CDK17: variants seen among roughly 807,000 people sequenced by gnomAD.
CDK17 encodes cyclin-dependent kinase 17.
Under a neutral mutation model 77.6 loss-of-function variants are expected in CDK17, and 24 were observed. That is an observed-to-expected ratio of 0.31 (90% CI 0.22 to 0.44). The LOEUF (loss-of-function observed/expected upper bound fraction) is 0.44, where lower values mean the gene tolerates loss of function less well. Ranked by LOEUF, CDK17 falls within the 20% of genes least tolerant of loss-of-function variation. The pLI is 1.00. For synonymous variants in CDK17, 203 were observed against 210.4 expected (o/e 0.96, Z 0.30); for missense variants, 429 against 622.5 (o/e 0.69, Z 3.31).
At chr12:96,377,652 CA>C (rs1953802018) in intron 1 of CDK17, among the ~76,000 whole-genome samples, 1 of 150,456 alleles carries the variant, frequency 6.6e-6, no homozygotes, top group Non-Finnish European at 1.5e-5. Context: ...TACAAAATGG[CA>C]ATCTGGCAGC....
intron 1 of CDK17, among the ~76,000 whole-genome samples, chr12:96,385,405 T>C (rs1163892068): frequency 6.6e-6 from 1 of 152,142 alleles, no homozygotes; most frequent in Non-Finnish European, 1.5e-5. Context: ...ACCTATCACA[T>C]ACTATGCTCA....
chr12:96,306,143 C>T (rs536503149), intron 5 of CDK17, among the ~76,000 whole-genome samples: 1 of 152,236 alleles, frequency 6.6e-6, no homozygotes, highest in South Asian at 2.1e-4. Context: ...GATTGATGAC[C>T]ATAAATTTAT....
At chr12:96,318,370 G>A (rs1219016173) in intron 3 of CDK17, among the ~76,000 whole-genome samples, 5 of 139,724 alleles carry the variant, frequency 3.6e-5, no homozygotes, top group Non-Finnish European at 1.6e-5. Flanking sequence ...ACACCCCACT[G>A]TCAACATTAG....
chr12:96,322,560 G>C (rs1367549308), intron 3 of CDK17, among the ~76,000 whole-genome samples: 1 of 151,394 alleles, frequency 6.6e-6, no homozygotes, highest in African/African-American at 2.4e-5. Context: ...CTGATCTGTA[G>C]TGTTTTCTGA....
At chr12:96,375,732 G>C (rs1030083752) in intron 1 of CDK17, among the ~76,000 whole-genome samples, 1 of 151,936 alleles carries the variant, frequency 6.6e-6, no homozygotes, top group Non-Finnish European at 1.5e-5. Flanking sequence ...TTTTAGTAGA[G>C]ATGGGGTTTC....
At chr12:96,308,254 T>TAAAAAAAAAAAAAAAAAAAA (rs1952601912) in intron 5 of CDK17, among the ~76,000 whole-genome samples, 2 of 108,780 alleles carry the variant, frequency 1.8e-5, no homozygotes, top group Admixed American at 1.8e-4. Flanking sequence ...AAAAAAAAAG[T>TAAAAAAAAAAAAAAAAAAAA]TTTTTAATTA....
At chr12:96,298,210 C>T (rs1952439943) in intron 7 of CDK17, among the ~76,000 whole-genome samples, 1 of 151,870 alleles carries the variant, frequency 6.6e-6, no homozygotes, top group African/African-American at 2.4e-5. Context: ...TGGCGTGAAC[C>T]CAGGAGGCGG....
intron 1 of CDK17, among the ~76,000 whole-genome samples, chr12:96,379,254 C>T (rs1171288713): frequency 6.6e-6 from 1 of 152,036 alleles, no homozygotes; most frequent in Non-Finnish European, 1.5e-5. Context: ...TGTAAGTTTA[C>T]TGAATTACTG....
chr12:96,287,251 G>C (rs1952258626), intron 11 of CDK17, among the ~76,000 whole-genome samples: 1 of 152,148 alleles, frequency 6.6e-6, no homozygotes, highest in African/African-American at 2.4e-5. Context: ...GCAGGAAGCA[G>C]AGGTAGAACA....
chr12:96,342,509 C>T (rs1953136848), intron 1 of CDK17, among the ~76,000 whole-genome samples: 1 of 152,038 alleles, frequency 6.6e-6, no homozygotes, highest in Non-Finnish European at 1.5e-5. Context: ...TTGCAATGAG[C>T]TAAGATCATG....
At chr12:96,283,060 A>G (rs895797521) in intron 14 of CDK17, among the ~76,000 whole-genome samples, 4 of 152,046 alleles carry the variant, frequency 2.6e-5, no homozygotes, top group Non-Finnish European at 5.9e-5. Context: ...ATCATGAATC[A>G]TAACTGTTTT....
At chr12:96,290,736 C>T (rs1396040426) in intron 10 of CDK17, among the ~76,000 whole-genome samples, 2 of 152,148 alleles carry the variant, frequency 1.3e-5, no homozygotes, top group Admixed American at 6.6e-5. Flanking sequence ...GGGCTGCAAA[C>T]GTGCTTATCC....
rs1592699851 is a variant in CDK17 at position 96,279,196 on chromosome 12, A to G, written c.*1046T>C. 5 of 152,330 alleles carry G rather than the reference A, an allele frequency of 3.3e-5. No individual in the cohort carries two copies. The South Asian group carries it at 1.0e-3, about 32-fold the overall frequency. The allele number at this position is 152,330 out of a possible 1,614,324, so 9.4% of individuals were successfully genotyped here. ...TTAGTATCTCTGGTAAACAGATAAT[A>G]CCCACAATAATTTCAAGCAATCCTG... On this transcript the variant is annotated 3_prime_UTR_variant, in exon 17 of 17. Transcript: ENST00000261211.
chr12:96,323,917 G>A (rs1952857970), intron 3 of CDK17, 31 bp downstream of exon 3: 1 of 1,505,984 alleles, frequency 6.6e-7, no homozygotes, highest in African/African-American at 1.4e-5. Flanking sequence ...TAATCAGAAA[G>A]GTAAACACAA....
intron 1 of CDK17, among the ~76,000 whole-genome samples, chr12:96,353,609 G>GT (rs978428282): frequency 6.6e-5 from 10 of 150,912 alleles, no homozygotes; most frequent in Non-Finnish European, 1.5e-4. Context: ...AGGTGGCGGG[G>GT]GGGGGCGCGG....
At position 96,325,452 on chromosome 12, in the gene CDK17, G is replaced by C. The variant is rs75503059; in HGVS notation, c.119-1340C>G. 4.4e-3 allele frequency among the ~76,000 whole-genome samples: 671 copies of C among 152,326 alleles called. 5 individuals are homozygous for C. The highest frequency in any genetic ancestry group is 0.024 in the Middle Eastern group (7 of 294). On this transcript the variant is annotated intron_variant, in intron 2 of 16. Coordinates refer to ENST00000261211, the MANE Select transcript of CDK17 (RefSeq NM_002595.5). ...TTGGCTACAAGCCTTAAAGTGAAAGGCTTCTCTCACAAGAAAATCTTAGGA... is the reference window on the plus strand; with the variant it reads ...TTGGCTACAAGCCTTAAAGTGAAAGCCTTCTCTCACAAGAAAATCTTAGGA...
At chr12:96,319,071 AAGAG>A (rs1384815568) in intron 3 of CDK17, among the ~76,000 whole-genome samples, 1 of 144,596 alleles carries the variant, frequency 6.9e-6, no homozygotes, top group African/African-American at 2.5e-5. Context: ...TAAAGAAAAA[AAGAG>A]AGAAGAATCA....
intron 1 of CDK17, among the ~76,000 whole-genome samples, chr12:96,398,092 A>G (rs1430535630): frequency 1.3e-5 from 2 of 151,962 alleles, no homozygotes; most frequent in Non-Finnish European, 1.5e-5. Context: ...ATAATAACCT[A>G]TATTTGCATA....
At chr12:96,358,287 T>C (rs1953433228) in intron 1 of CDK17, among the ~76,000 whole-genome samples, 1 of 140,276 alleles carries the variant, frequency 7.1e-6, no homozygotes. Flanking sequence ...TATTGCTGTA[T>C]AACTACATAC....
Sources: gnomAD v4.1 joint callset for allele counts (sites outside exome capture counted in the v4.1 genomes callset) on GRCh38, gnomAD v4.1.1 for gene constraint, MANE v1.5 for transcripts, NCBI Gene and HGNC (gene_info 2026-07-23, HGNC 2026-07-21) for gene names.